TAF2: variants seen among roughly 807,000 people sequenced by gnomAD.
TAF2 encodes TATA-box binding protein associated factor 2.
In TAF2, 61 loss-of-function variants were observed where a neutral mutation model predicts 138.5. That is an observed-to-expected ratio of 0.44 (90% CI 0.36 to 0.54). The LOEUF is 0.54. Among genes scored for constraint, TAF2 ranks in the 20% least tolerant of loss-of-function variants. The probability of loss-of-function intolerance (pLI) is 0.00; values close to 1 mark genes in which losing one functional copy is unlikely to be tolerated. For missense variants in TAF2, 1,090 were observed against 1,427.9 expected, an observed-to-expected ratio of 0.76 and a Z score of 3.81; for synonymous variants, 475 against 469.9, an observed-to-expected ratio of 1.01 and a Z score of -0.14.
At chr8:119,812,050 A>G (rs994142526) in intron 3 of TAF2, among the ~76,000 whole-genome samples, 4 of 152,142 alleles carry the variant, frequency 2.6e-5, no homozygotes, top group Admixed American at 2.6e-4. Flanking sequence ...GTAACCTTGG[A>G]TATGGCCTCC....
intron 24 of TAF2, among the ~76,000 whole-genome samples, chr8:119,743,628 G>A (rs1321836362): frequency 6.6e-6 from 1 of 152,024 alleles, no homozygotes; most frequent in African/African-American, 2.4e-5. Context: ...CATATCAAGA[G>A]CTATGAAAAT....
intron 4 of TAF2, among the ~76,000 whole-genome samples, chr8:119,805,384 G>A (rs1005657084): frequency 1.3e-5 from 2 of 152,100 alleles, no homozygotes; most frequent in South Asian, 4.1e-4. Context: ...TTGATATTGT[G>A]CAGGTTCTAC....
intron 17 of TAF2, among the ~76,000 whole-genome samples, chr8:119,779,427 C>T (rs62526569): frequency 1.9e-3 from 283 of 152,160 alleles, no homozygotes; most frequent in Non-Finnish European, 3.0e-3. Flanking sequence ...GTTCATAACT[C>T]CAATTTGAAA....
At chr8:119,827,917 G>C (rs1400660145) in intron 2 of TAF2, among the ~76,000 whole-genome samples, 1 of 151,970 alleles carries the variant, frequency 6.6e-6, no homozygotes, top group East Asian at 1.9e-4. Flanking sequence ...CTAATTTTTT[G>C]TATTTTTAGT....
chr8:119,788,955 C>T, intron 12 of TAF2, 51 bp from the exon 13 acceptor site: 1 of 1,181,086 alleles, frequency 8.5e-7, no homozygotes, highest in East Asian at 2.3e-5. Flanking sequence ...ATGTACTAAA[C>T]AAAGTAAGTT....
At chr8:119,812,717 TG>T in intron 3 of TAF2, among the ~76,000 whole-genome samples, 1 of 103,768 alleles carries the variant, frequency 9.6e-6, no homozygotes, top group African/African-American at 3.5e-5. Flanking sequence ...TAGTATTCCA[TG>T]GTGTGTGTGT....
Position 119,775,236 on chromosome 8 carries a change from G to C in TAF2, c.2364+2783C>G, listed in dbSNP as rs1181826668. On this transcript the variant is annotated intron_variant, in intron 18 of 25. Transcript: ENST00000378164. ...GCAGAGGTTGCAGTGAGCTGGAATT[G>C]TGCCACTGCACTCCAGCCTGGCAAC... 2.1e-5 allele frequency among the ~76,000 whole-genome samples: 3 copies of C among 141,056 alleles called. No homozygotes were observed. In the East Asian group the frequency reaches 6.4e-4, roughly 30 times the overall value. The allele number at this position is 141,056 out of a possible 152,430, so 92.5% of individuals were successfully genotyped here. A position where few individuals can be genotyped will look rare whatever the true frequency, so the allele number is the denominator to read the frequency against.
At chr8:119,826,404 A>C (rs537238258) in intron 2 of TAF2, among the ~76,000 whole-genome samples, 2 of 152,112 alleles carry the variant, frequency 1.3e-5, no homozygotes, top group East Asian at 1.9e-4. Context: ...CCCCAGCCAC[A>C]TGGAACTGTG....
At chr8:119,805,503 C>T (rs1314483369) in intron 4 of TAF2, among the ~76,000 whole-genome samples, 5 of 151,952 alleles carry the variant, frequency 3.3e-5, no homozygotes, top group Non-Finnish European at 1.5e-5. Context: ...GTCAGGAGTT[C>T]GAGAGCAGCC....
chr8:119,757,851 G>A (rs756889919), intron 21 of TAF2, among the ~76,000 whole-genome samples: 5 of 151,924 alleles, frequency 3.3e-5, no homozygotes, highest in South Asian at 2.1e-4. Flanking sequence ...AGCCGAGATC[G>A]TGCCACTGCA....
chr8:119,762,543 G>T lies in TAF2; in HGVS notation c.2430C>A (p.Val810=). Residue 810 remains valine (V), a synonymous_variant, in exon 19 of 26, where the codon GTC becomes GTA. Transcript: ENST00000378164. ...AAGTTCTAACTTCATTATTCACACT[G>T]ACTGCAGGTGTAACAGAGTTGGCCA... is the stretch of plus-strand genomic sequence containing the variant. The part of the protein sequence containing the change: ...DALANSVTPA[V]SVNNEVRTLD... The T allele has an allele frequency of 1.2e-6, 2 of 1,613,802 alleles. No homozygotes were observed. The highest frequency in any genetic ancestry group is 1.1e-5 in the South Asian group (1 of 91,024).
At chr8:119,819,276 A>G (rs1462992275) in intron 3 of TAF2, 70 bp downstream of exon 3, 2 of 1,521,758 alleles carry the variant, frequency 1.3e-6, no homozygotes. Flanking sequence ...TTTGAGAAAA[A>G]CTAATCCAAT....
chr8:119,797,086 C>T lies in TAF2; in HGVS notation c.995G>A (p.Ser332Asn), dbSNP rs750945535. The T allele has an allele frequency of 1.2e-6, 2 of 1,612,308 alleles. No individual in the cohort carries two copies. Among genetic ancestry groups the T allele is most frequent in the African/African-American group, 2.7e-5 (2 of 74,772 alleles). The change falls in exon 8 of 26, where the codon AGT (serine) becomes AAT (asparagine). Residue 332 changes from serine (S) to asparagine (N), a missense_variant. Ser to Asn is a conservative substitution (Grantham distance 46). This residue lies in a region of TAF2 where 504 missense variants were observed against 680.9 expected (regional missense o/e 0.74). Coordinates refer to ENST00000378164, the MANE Select transcript of TAF2 (RefSeq NM_003184.4). ...MSIFSTNLLH[S>N]AMIIDETPLT... Reference sequence around the variant, plus strand: ...AGGTGTCTCATCTATAATCATGGCACTGTGTAAAAGATTTGTGCTGGAATT... The same window carrying T: ...AGGTGTCTCATCTATAATCATGGCATTGTGTAAAAGATTTGTGCTGGAATT...
At chr8:119,735,212 C>T (rs1819146394) in intron 25 of TAF2, among the ~76,000 whole-genome samples, 2 of 152,110 alleles carry the variant, frequency 1.3e-5, no homozygotes, top group African/African-American at 4.8e-5. Flanking sequence ...AACTGATAGC[C>T]TCTTGAGGAC....
intron 2 of TAF2, among the ~76,000 whole-genome samples, chr8:119,822,332 C>G (rs1003651361): frequency 7.2e-5 from 11 of 151,896 alleles, no homozygotes; most frequent in African/African-American, 2.7e-4. Context: ...AGTGATCCTC[C>G]CACCTCAGCC....
intron 25 of TAF2, among the ~76,000 whole-genome samples, chr8:119,740,903 A>C (rs1015944955): frequency 5.3e-5 from 8 of 152,282 alleles, no homozygotes; most frequent in African/African-American, 1.9e-4. Context: ...GTCACATTAA[A>C]GAATATATTC....
rs1823432493 is a variant in TAF2 at position 119,791,551 on chromosome 8, A to T, written c.1278-92T>A. 2.1e-6 allele frequency: 3 copies of T among 1,437,566 alleles called. No homozygotes were observed. The East Asian group carries it at 7.5e-5, about 36-fold the overall frequency. The allele number at this position is 1,437,566 out of a possible 1,614,324, so 89.1% of individuals were successfully genotyped here. A position where few individuals can be genotyped will look rare whatever the true frequency, so the allele number is the denominator to read the frequency against. Reference sequence around the variant, plus strand: ...GACCACATCAAGAAAATACCCAAAAAACCTCAGGAGAATATATAAGCAATT... The same window carrying T: ...GACCACATCAAGAAAATACCCAAAATACCTCAGGAGAATATATAAGCAATT... On this transcript the variant is annotated intron_variant, in intron 10 of 25. Transcript: ENST00000378164.
At chr8:119,800,920 T>C (rs925510794) in intron 6 of TAF2, among the ~76,000 whole-genome samples, 1 of 152,196 alleles carries the variant, frequency 6.6e-6, no homozygotes, top group African/African-American at 2.4e-5. Flanking sequence ...AACTAATAAA[T>C]CATTTTCTAA....
At chr8:119,814,423 A>C (rs1825304051) in intron 3 of TAF2, among the ~76,000 whole-genome samples, 2 of 152,184 alleles carry the variant, frequency 1.3e-5, no homozygotes, top group African/African-American at 4.8e-5. Flanking sequence ...CTGCATTAAA[A>C]TATAGAATCT....
Sources: gnomAD v4.1 joint callset for allele counts (sites outside exome capture counted in the v4.1 genomes callset) on GRCh38, gnomAD v4.1.1 for gene constraint, gnomAD v4.1.1 regional missense constraint, MANE v1.5 for transcripts, NCBI Gene and HGNC (gene_info 2026-07-23, HGNC 2026-07-21) for gene names.